ADAMTSL1: variants seen among roughly 807,000 people sequenced by gnomAD.
ADAMTSL1 encodes the protein ADAMTS like 1.
A neutral mutation model predicts 201.8 loss-of-function variants in ADAMTSL1; 126 were observed. The ratio of observed to expected loss-of-function variants is 0.62; its 90% CI spans 0.54 to 0.72. ADAMTSL1 has a LOEUF of 0.72. Ranked by LOEUF, ADAMTSL1 falls within the 30% of genes least tolerant of loss-of-function variation. ADAMTSL1 has a pLI of 0.00. For missense variants in ADAMTSL1, 2,679 were observed against 2,277.8 expected (o/e 1.18, Z -3.59); for synonymous variants, 1,121 against 903.4 (o/e 1.24, Z -4.32).
At chr9:18,388,644 CTT>C (rs1386124287) in intron 2 of ADAMTSL1, among the ~76,000 whole-genome samples, 3 of 151,386 alleles carry the variant, frequency 2.0e-5, no homozygotes, top group Non-Finnish European at 4.4e-5. Flanking sequence ...CCTTTCTAGA[CTT>C]TTCATTTTCT....
At chr9:18,846,072 C>G (rs1390548094) in intron 23 of ADAMTSL1, among the ~76,000 whole-genome samples, 1 of 152,140 alleles carries the variant, frequency 6.6e-6, no homozygotes, top group Admixed American at 6.5e-5. Flanking sequence ...CAAGGACACA[C>G]AGTAAATAAG....
chr9:18,762,425 A>C (rs1433341651), intron 16 of ADAMTSL1, among the ~76,000 whole-genome samples: 3 of 152,190 alleles, frequency 2.0e-5, no homozygotes, highest in Admixed American at 6.5e-5. Flanking sequence ...GTTTTGATAC[A>C]GGCATGCAAT....
intron 1 of ADAMTSL1, among the ~76,000 whole-genome samples, chr9:18,130,685 A>G (rs1825914386): frequency 6.6e-6 from 1 of 152,200 alleles, no homozygotes; most frequent in South Asian, 2.1e-4. Flanking sequence ...TAGGAATACA[A>G]ACTACCAAAT....
At chr9:18,643,012 T>G (rs1286523618) in intron 7 of ADAMTSL1, among the ~76,000 whole-genome samples, 1 of 152,050 alleles carries the variant, frequency 6.6e-6, no homozygotes, top group Non-Finnish European at 1.5e-5. Flanking sequence ...TTTATACTGT[T>G]TTCTACAATG....
intron 1 of ADAMTSL1, among the ~76,000 whole-genome samples, chr9:18,069,400 A>G (rs1330452742): frequency 6.6e-6 from 1 of 152,196 alleles, no homozygotes; most frequent in Non-Finnish European, 1.5e-5. Context: ...ACTGCAACGT[A>G]TTATATACAT....
intron 2 of ADAMTSL1, among the ~76,000 whole-genome samples, chr9:18,274,454 T>C (rs1198294986): frequency 1.3e-5 from 2 of 152,176 alleles, no homozygotes; most frequent in East Asian, 3.8e-4. Context: ...AGAAATTGAT[T>C]ATATCCTCAT....
chr9:18,780,333 C>T (rs1245994723), intron 19 of ADAMTSL1, among the ~76,000 whole-genome samples: 2 of 152,104 alleles, frequency 1.3e-5, no homozygotes, highest in Non-Finnish European at 1.5e-5. Context: ...CGGAAGGCCA[C>T]GGAAGGTTAA....
intron 1 of ADAMTSL1, among the ~76,000 whole-genome samples, chr9:17,958,959 C>CA (rs1280156518): frequency 6.6e-6 from 1 of 152,108 alleles, no homozygotes; most frequent in Non-Finnish European, 1.5e-5. Context: ...GAGTATCTGA[C>CA]AAATATTTCC....
intron 7 of ADAMTSL1, among the ~76,000 whole-genome samples, chr9:18,652,448 A>C (rs1163810474): frequency 6.6e-6 from 1 of 152,074 alleles, no homozygotes; most frequent in Non-Finnish European, 1.5e-5. Context: ...ATTGAAATAC[A>C]ATTAGTCCTC....
intron 2 of ADAMTSL1, among the ~76,000 whole-genome samples, chr9:18,532,184 C>T (rs1819484285): frequency 6.6e-6 from 1 of 151,962 alleles, no homozygotes; most frequent in African/African-American, 2.4e-5. Flanking sequence ...CAGCATTGAA[C>T]GTTTTATCAA....
intron 1 of ADAMTSL1, among the ~76,000 whole-genome samples, chr9:18,047,715 T>C (rs763811423): frequency 7.2e-5 from 11 of 152,162 alleles, no homozygotes; most frequent in Non-Finnish European, 1.6e-4. Flanking sequence ...TGCTGGTATA[T>C]AAACAGACAT....
intron 7 of ADAMTSL1, among the ~76,000 whole-genome samples, chr9:18,645,043 G>A (rs1246611868): frequency 6.6e-6 from 1 of 152,084 alleles, no homozygotes; most frequent in Non-Finnish European, 1.5e-5. Flanking sequence ...ATCTTCTCCA[G>A]CACCTGTTGT....
chr9:18,245,398 T>A (rs1262324027), intron 2 of ADAMTSL1, among the ~76,000 whole-genome samples: 1 of 152,178 alleles, frequency 6.6e-6, no homozygotes, highest in Non-Finnish European at 1.5e-5. Context: ...ACAGCATACG[T>A]CAGTTTGGAC....
intron 3 of ADAMTSL1, among the ~76,000 whole-genome samples, chr9:18,566,918 G>A (rs1462217720): frequency 6.6e-6 from 1 of 152,132 alleles, no homozygotes; most frequent in Non-Finnish European, 1.5e-5. Flanking sequence ...TGTTTTTTGT[G>A]TATAGAAAAA....
At chr9:18,608,802 T>C (rs34328687) in intron 4 of ADAMTSL1, among the ~76,000 whole-genome samples, 9,605 of 152,274 alleles carry the variant, frequency 0.063, 376 homozygotes, top group Non-Finnish European at 0.091. Context: ...GTTTGATTGG[T>C]TCATTGTTAA....
intron 2 of ADAMTSL1, among the ~76,000 whole-genome samples, chr9:18,198,182 C>G (rs1218425782): frequency 6.6e-6 from 1 of 151,884 alleles, no homozygotes; most frequent in African/African-American, 2.4e-5. Context: ...CATTACCATT[C>G]AGGACATAGG....
At chr9:18,717,769 T>A (rs898074498) in intron 14 of ADAMTSL1, among the ~76,000 whole-genome samples, 1 of 152,238 alleles carries the variant, frequency 6.6e-6, no homozygotes, top group African/African-American at 2.4e-5. Flanking sequence ...AGGACTATTA[T>A]ATAAGTAAAA....
intron 1 of ADAMTSL1, among the ~76,000 whole-genome samples, chr9:17,963,012 C>G (rs768487057): frequency 6.6e-6 from 1 of 152,220 alleles, no homozygotes; most frequent in Non-Finnish European, 1.5e-5. Context: ...CTTCGGGGCA[C>G]TAAAACTTGC....
At chr9:18,088,960 A>G (rs1388106623) in intron 1 of ADAMTSL1, among the ~76,000 whole-genome samples, 2 of 152,186 alleles carry the variant, frequency 1.3e-5, no homozygotes, top group Non-Finnish European at 2.9e-5. Flanking sequence ...GATTAGTTAT[A>G]ATAAACAAGG....
Sources: gnomAD v4.1 joint callset for allele counts (sites outside exome capture counted in the v4.1 genomes callset) on GRCh38, gnomAD v4.1.1 for gene constraint, MANE v1.5 for transcripts, NCBI Gene and HGNC (gene_info 2026-07-23, HGNC 2026-07-21) for gene names.